Variants in RASGRF1 observed in about 807,000 individuals in gnomAD.
The protein encoded by RASGRF1 is ras-specific guanine nucleotide-releasing factor 1.
RASGRF1 carries 40 observed loss-of-function variants against 138.7 expected under a neutral mutation model. That is an observed-to-expected ratio of 0.29 (90% CI 0.22 to 0.38). RASGRF1 has a LOEUF of 0.38. Ranked by LOEUF, RASGRF1 falls within the 10% of genes least tolerant of loss-of-function variation. The pLI is 1.00. For missense variants in RASGRF1, 1,108 were observed against 1,650.4 expected (o/e 0.67, Z 5.69); for synonymous variants, 614 against 663.2 (o/e 0.93, Z 1.14).
chr15:78,976,663 A>C (rs1309969637), intron 24 of RASGRF1, among the ~76,000 whole-genome samples: 1 of 152,206 alleles, frequency 6.6e-6, no homozygotes, highest in Non-Finnish European at 1.5e-5. Flanking sequence ...AGGGCCCCAC[A>C]GGGACACACG....
intron 13 of RASGRF1, 108 bp downstream of exon 13, chr15:79,015,219 A>T: frequency 9.3e-7 from 1 of 1,077,108 alleles, no homozygotes; most frequent in Non-Finnish European, 1.4e-6. Flanking sequence ...GACAAAGCCC[A>T]GCATCTCTGA....
At chr15:79,031,369 C>T (rs754386515) in intron 8 of RASGRF1, 31 bp downstream of exon 8, 66 of 1,511,352 alleles carry the variant, frequency 4.4e-5, no homozygotes, top group Middle Eastern at 1.7e-4. Context: ...CCCTGTCTGC[C>T]GGTCTGGTGC....
rs764712610 is a variant in RASGRF1, at chr15:79,064,425, A to G, written c.378T>C (p.His126=). The stretch of plus-strand genomic sequence containing the variant: ...CCCTGGGCAAGGAGACATACCTGGC[A>G]TGTGCAATGGCTGCCACCCATTCGT... The part of the protein sequence containing the change: ...DCDEWVAAIA[H]ASYRTLATEH... The change falls in exon 2 of 27, where the codon CAT becomes CAC. Residue 126 remains histidine, a synonymous_variant. Coordinates refer to ENST00000558480, the MANE Select transcript of RASGRF1 (RefSeq NM_001145648.3). The G allele has an allele frequency of 5.0e-6, 8 of 1,613,948 alleles. No homozygotes were observed. The highest frequency in any genetic ancestry group is 5.1e-6 in the Non-Finnish European group (6 of 1,179,826).
chr15:79,040,815 G>A (rs2057288199), intron 5 of RASGRF1, among the ~76,000 whole-genome samples: 1 of 152,226 alleles, frequency 6.6e-6, no homozygotes, highest in African/African-American at 2.4e-5. Flanking sequence ...AACTCTTTAA[G>A]GGGAATATAC....
intron 1 of RASGRF1, among the ~76,000 whole-genome samples, chr15:79,087,784 G>A (rs556953381): frequency 1.3e-5 from 2 of 152,352 alleles, no homozygotes; most frequent in Non-Finnish European, 2.9e-5. Flanking sequence ...GGAAGGAGCA[G>A]GATCTAGTTT....
intron 5 of RASGRF1, among the ~76,000 whole-genome samples, chr15:79,037,466 ATT>A (rs2057238055): frequency 6.6e-6 from 1 of 151,502 alleles, no homozygotes; most frequent in African/African-American, 2.4e-5. Context: ...TATTATTATT[ATT>A]ATATTTTTGA....
intron 2 of RASGRF1, among the ~76,000 whole-genome samples, chr15:79,058,992 CTCT>C (rs1673095173): frequency 6.6e-6 from 1 of 152,172 alleles, no homozygotes; most frequent in Non-Finnish European, 1.5e-5. Flanking sequence ...CTTCGTTAGT[CTCT>C]TCTTACTAAT....
chr15:79,071,675 C>T (rs1324563515), intron 1 of RASGRF1, among the ~76,000 whole-genome samples: 2 of 151,970 alleles, frequency 1.3e-5, no homozygotes, highest in Non-Finnish European at 2.9e-5. Flanking sequence ...TGGCCCTCTG[C>T]AGCTGTCTCC....
chr15:78,976,852 G>T (rs1596315243), intron 24 of RASGRF1, among the ~76,000 whole-genome samples: 2 of 152,352 alleles, frequency 1.3e-5, no homozygotes, highest in East Asian at 3.9e-4. Flanking sequence ...CTGATACGGG[G>T]GTGGCTTCCT....
At chr15:78,994,398 AG>A (rs1567471092) in intron 20 of RASGRF1, among the ~76,000 whole-genome samples, 1 of 152,210 alleles carries the variant, frequency 6.6e-6, no homozygotes, top group East Asian at 1.9e-4. Context: ...CAGGGGCAGC[AG>A]GGGCCCAGAA....
intron 26 of RASGRF1, among the ~76,000 whole-genome samples, chr15:78,968,104 A>G (rs2055678735): frequency 6.6e-6 from 1 of 151,390 alleles, no homozygotes; most frequent in Non-Finnish European, 1.5e-5. Flanking sequence ...TTTTTTCATT[A>G]TAGAGACAGG....
intron 26 of RASGRF1, among the ~76,000 whole-genome samples, chr15:78,969,635 C>T (rs2141593510): frequency 6.6e-6 from 1 of 152,202 alleles, no homozygotes; most frequent in Non-Finnish European, 1.5e-5. Context: ...CGCCATTGCA[C>T]TCCAGCCTGG....
chr15:78,962,351 G>A, intron 26 of RASGRF1, 115 bp from the exon 27 acceptor site: 1 of 698,726 alleles, frequency 1.4e-6, no homozygotes, highest in South Asian at 1.9e-5. Context: ...AGTCAGGTGG[G>A]CATATGAGGC....
chr15:79,037,539 A>T (rs950511028), intron 5 of RASGRF1, among the ~76,000 whole-genome samples: 2 of 151,404 alleles, frequency 1.3e-5, no homozygotes, highest in African/African-American at 4.9e-5. Context: ...GCTCACTGCA[A>T]TCTCCTCCTT....
chr15:79,082,780 AC>A (rs1398799746), intron 1 of RASGRF1, among the ~76,000 whole-genome samples: 1 of 152,122 alleles, frequency 6.6e-6, no homozygotes, highest in East Asian at 1.9e-4. Context: ...GCTTGCTTGG[AC>A]CTTTTCAGGA....
At chr15:79,089,333 C>G (rs1221933968) in intron 1 of RASGRF1, among the ~76,000 whole-genome samples, 1 of 152,236 alleles carries the variant, frequency 6.6e-6, no homozygotes, top group East Asian at 1.9e-4. Flanking sequence ...GGAAAGCGCA[C>G]CAAGCTTAAA....
Position 78,999,804 on chromosome 15 carries a change from G to T in RASGRF1, c.2685C>A (p.Ala895=). Residue 895 remains alanine, a synonymous_variant, in exon 17 of 27, where the codon GCC becomes GCA. Coordinates refer to ENST00000558480, the MANE Select transcript of RASGRF1 (RefSeq NM_001145648.3). ...SAASAFAIAT[A]GANEGTPNKE... is the part of the protein sequence containing the mutation. ...TGTTTGGGGTGCCCTCGTTGGCCCCGGCGGTTGCTATGGCAAAGGCAGAGG... is the reference window on the plus strand; with the variant it reads ...TGTTTGGGGTGCCCTCGTTGGCCCCTGCGGTTGCTATGGCAAAGGCAGAGG... The T allele has an allele frequency of 1.2e-6, 2 of 1,614,182 alleles. No homozygotes were observed. The highest frequency in any genetic ancestry group is 1.7e-6 in the Non-Finnish European group (2 of 1,180,014).
intron 26 of RASGRF1, among the ~76,000 whole-genome samples, chr15:78,968,601 T>A (rs28582793): frequency 0.018 from 2,680 of 151,606 alleles, 25 homozygotes; most frequent in Non-Finnish European, 0.028. Context: ...ATATATATAT[T>A]TTTAATTGAA....
At position 79,090,694 on chromosome 15, in the gene RASGRF1, G is replaced by T. The variant is rs1298350072; in HGVS notation, c.-196C>A. 6 of 712,884 alleles carry T rather than the reference G, an allele frequency of 8.4e-6. No individual in the cohort carries two copies. The Admixed American group carries it at 1.2e-4, about 14-fold the overall frequency. 44.2% of individuals were successfully genotyped at this position (712,884 alleles called of 1,614,324 possible). A position where few individuals can be genotyped will look rare whatever the true frequency, so the allele number is the denominator to read the frequency against. On this transcript the variant is annotated 5_prime_UTR_variant, in exon 1 of 27. Coordinates refer to ENST00000558480, the MANE Select transcript of RASGRF1 (RefSeq NM_001145648.3). ...CTTGAATCCAGATATACCATTCCCC[G>T]CTGGAACCTCTTCTCCGCTCCGCAG...
Sources: gnomAD v4.1 joint callset for allele counts (sites outside exome capture counted in the v4.1 genomes callset) on GRCh38, gnomAD v4.1.1 for gene constraint, MANE v1.5 for transcripts, NCBI Gene and HGNC (gene_info 2026-07-23, HGNC 2026-07-21) for gene names.